The following PSMB2 variants were observed in gnomAD, a reference collection of about 807,000 sequenced individuals.
PSMB2 encodes proteasome subunit beta type-2.
Under a neutral mutation model 25.7 loss-of-function variants are expected in PSMB2, and 13 were observed. The ratio of observed to expected loss-of-function variants is 0.51; its 90% CI spans 0.33 to 0.80. The LOEUF (loss-of-function observed/expected upper bound fraction) is 0.80, where lower values mean the gene tolerates loss of function less well. Among genes scored for constraint, PSMB2 ranks in the 30% least tolerant of loss-of-function variants. The pLI is 0.02. For synonymous variants in PSMB2, 87 were observed against 96.2 expected, an observed-to-expected ratio of 0.90 and a Z score of 0.56; for missense variants, 202 against 259.0, an observed-to-expected ratio of 0.78 and a Z score of 1.51.
At chr1:35,639,306 C>A (rs539322313) in intron 1 of PSMB2, among the ~76,000 whole-genome samples, 1 of 152,162 alleles carries the variant, frequency 6.6e-6, no homozygotes, top group East Asian at 1.9e-4. Context: ...ACTAAAATTT[C>A]TATTATAATT....
chr1:35,634,264 T>C (rs538506888), intron 2 of PSMB2, among the ~76,000 whole-genome samples: 1 of 152,382 alleles, frequency 6.6e-6, no homozygotes, highest in South Asian at 2.1e-4. Context: ...ATTAGTATTA[T>C]AATTCATTTC....
intron 1 of PSMB2, among the ~76,000 whole-genome samples, chr1:35,638,482 T>A (rs901201676): frequency 1.3e-5 from 2 of 152,328 alleles, no homozygotes; most frequent in South Asian, 2.1e-4. Flanking sequence ...AGCCCCAGTT[T>A]CCAGATGTGT....
chr1:35,602,177 A>C lies in PSMB2; in HGVS notation c.*1090T>G, dbSNP rs779791267. 2.0e-5 allele frequency: 3 copies of C among 153,278 alleles called. No individual in the cohort carries two copies. The Admixed American group carries it at 2.0e-4, about 10-fold the overall frequency. The allele number at this position is 153,278 out of a possible 1,614,324, so 9.5% of individuals were successfully genotyped here. Reference sequence around the variant, plus strand: ...GAGACCCTGTCTCTATGAAAAACACAAAAACTAGCTGGGCATTGGTGGTGT... The same window carrying C: ...GAGACCCTGTCTCTATGAAAAACACCAAAACTAGCTGGGCATTGGTGGTGT... On this transcript the variant is annotated 3_prime_UTR_variant, in exon 6 of 6. Coordinates refer to ENST00000373237, the MANE Select transcript of PSMB2 (RefSeq NM_002794.5).
chr1:35,636,104 C>T (rs541292339), intron 2 of PSMB2, among the ~76,000 whole-genome samples: 5 of 152,242 alleles, frequency 3.3e-5, no homozygotes, highest in South Asian at 2.1e-4. Flanking sequence ...AGAAAAATCA[C>T]GTGAAGACAC....
chr1:35,622,140 G>C (rs1246304418), intron 3 of PSMB2, among the ~76,000 whole-genome samples: 1 of 152,076 alleles, frequency 6.6e-6, no homozygotes, highest in Admixed American at 6.6e-5. Flanking sequence ...TTCATTTTAG[G>C]TAACTGTTTT....
At chr1:35,635,172 T>G (rs191450854) in intron 2 of PSMB2, among the ~76,000 whole-genome samples, 1 of 151,752 alleles carries the variant, frequency 6.6e-6, no homozygotes, top group South Asian at 2.1e-4. Flanking sequence ...GGCAGGAGGA[T>G]TGCTTGAACC....
chr1:35,613,986 G>A (rs550142063), intron 3 of PSMB2, among the ~76,000 whole-genome samples: 8 of 152,308 alleles, frequency 5.3e-5, no homozygotes, highest in South Asian at 2.1e-4. Context: ...ACTGAGATAC[G>A]AGGGAAATTC....
chr1:35,621,088 T>C (rs1261257884), intron 3 of PSMB2, among the ~76,000 whole-genome samples: 1 of 152,176 alleles, frequency 6.6e-6, no homozygotes, highest in African/African-American at 2.4e-5. Flanking sequence ...GATGAACTTA[T>C]GAGGAGGCCC....
At chr1:35,638,857 T>C (rs1315267844) in intron 1 of PSMB2, among the ~76,000 whole-genome samples, 1 of 152,232 alleles carries the variant, frequency 6.6e-6, no homozygotes, top group African/African-American at 2.4e-5. Context: ...GGAAGTTGTA[T>C]TATCATTTTA....
chr1:35,606,310 C>T (rs1183038343), intron 4 of PSMB2, among the ~76,000 whole-genome samples: 1 of 152,068 alleles, frequency 6.6e-6, no homozygotes, highest in Non-Finnish European at 1.5e-5. Flanking sequence ...ACCTAAAGAC[C>T]CCACCAGAAA....
rs1649998143 is a variant in PSMB2 at position 35,601,448 on chromosome 1, G to A, written c.*1819C>T. 3.0e-6 allele frequency: 3 copies of A among 985,210 alleles called. No individual in the cohort carries two copies. Among genetic ancestry groups the A allele is most frequent in the African/African-American group, 3.5e-5 (2 of 57,188 alleles). 61.0% of individuals were successfully genotyped at this position (985,210 alleles called of 1,614,324 possible). A position where few individuals can be genotyped will look rare whatever the true frequency, so the allele number is the denominator to read the frequency against. On this transcript the variant is annotated 3_prime_UTR_variant, in exon 6 of 6. Transcript: ENST00000373237. ...AAAGCTCAAACCTATGCATATTCAT[G>A]GTGGTGTTGGAGGTTGAATCAACTG...
Position 35,600,269 on chromosome 1 carries a change from T to C in PSMB2, c.*2998A>G. 1.0e-6 allele frequency: 1 copy of C among 982,962 alleles called. No homozygotes were observed. The highest frequency in any genetic ancestry group is 1.2e-6 in the Non-Finnish European group (1 of 827,660). The allele number at this position is 982,962 out of a possible 1,614,324, so 60.9% of individuals were successfully genotyped here. Reference sequence around the variant, plus strand: ...AAAAATGATGCCCAGCTAAATGCAATGTTGTATCTTGGATTATATCCTAGA... The same window carrying C: ...AAAAATGATGCCCAGCTAAATGCAACGTTGTATCTTGGATTATATCCTAGA... On this transcript the variant is annotated 3_prime_UTR_variant, in exon 6 of 6. Transcript: ENST00000373237.
In PSMB2 at chr1:35,604,454, T is replaced by C. The variant is rs149241411; in HGVS notation, c.498+779A>G. ...ATTAAGGGAGCAGGCAGTATGGCAATTACAGGTGGCACAAGAACAGAGCAG... is the reference window on the plus strand; with the variant it reads ...ATTAAGGGAGCAGGCAGTATGGCAACTACAGGTGGCACAAGAACAGAGCAG... On this transcript the variant is annotated intron_variant, in intron 5 of 5. Transcript: ENST00000373237. Among the ~76,000 whole-genome samples, 687 of 152,184 alleles carry C rather than the reference T, an allele frequency of 4.5e-3. 15 individuals carry two copies. The highest frequency in any genetic ancestry group is 0.015 in the East Asian group (79 of 5,174).
intron 1 of PSMB2, among the ~76,000 whole-genome samples, chr1:35,637,596 T>C (rs1330870565): frequency 6.6e-6 from 1 of 152,230 alleles, no homozygotes; most frequent in Non-Finnish European, 1.5e-5. Context: ...ACACGTTTCC[T>C]GTTTGAAAGC....
At chr1:35,631,532 A>C (rs1036811013) in intron 2 of PSMB2, 188 bp from the exon 3 acceptor site, 26 of 1,396,840 alleles carry the variant, frequency 1.9e-5, no homozygotes, top group Middle Eastern at 2.6e-4. Flanking sequence ...ATAGCTGGTT[A>C]GTACTGACAG....
intron 3 of PSMB2, among the ~76,000 whole-genome samples, chr1:35,623,294 TG>T (rs1189301627): frequency 6.6e-6 from 1 of 152,172 alleles, no homozygotes; most frequent in Non-Finnish European, 1.5e-5. Context: ...CTGTTAAGGC[TG>T]GGAGACAAAA....
intron 3 of PSMB2, among the ~76,000 whole-genome samples, chr1:35,622,746 G>C (rs984858790): frequency 2.0e-5 from 3 of 151,712 alleles, no homozygotes; most frequent in African/African-American, 7.3e-5. Flanking sequence ...GACAGGGAAG[G>C]GGAGGGGGAG....
At chr1:35,611,582 G>A (rs1417511681) in intron 3 of PSMB2, among the ~76,000 whole-genome samples, 1 of 152,088 alleles carries the variant, frequency 6.6e-6, no homozygotes, top group Non-Finnish European at 1.5e-5. Context: ...CCAGCACTTT[G>A]GGAGGCCGAG....
chr1:35,603,521 C>A, intron 5 of PSMB2, 147 bp from the exon 6 acceptor site: 1 of 943,648 alleles, frequency 1.1e-6, no homozygotes, highest in South Asian at 1.7e-5. Context: ...GGCAGTAGGG[C>A]ACTAGTACTC....
Sources: gnomAD v4.1 joint callset for allele counts (sites outside exome capture counted in the v4.1 genomes callset) on GRCh38, gnomAD v4.1.1 for gene constraint, MANE v1.5 for transcripts, NCBI Gene and HGNC (gene_info 2026-07-23, HGNC 2026-07-21) for gene names.